The following TOP1 variants were observed in gnomAD, a reference collection of about 807,000 sequenced individuals.
The protein encoded by TOP1 is DNA topoisomerase I, also known as DNA topoisomerase 1.
Under a neutral mutation model 111.1 loss-of-function variants are expected in TOP1, and 10 were observed. The ratio of observed to expected loss-of-function variants is 0.09; its 90% CI spans 0.06 to 0.15. The LOEUF (loss-of-function observed/expected upper bound fraction) is 0.15. TOP1 is among the 10% of genes least tolerant of loss of function. The probability of loss-of-function intolerance (pLI) is 1.00; values close to 1 mark genes in which losing one functional copy is unlikely to be tolerated. For missense variants in TOP1, 474 were observed against 926.7 expected, an observed-to-expected ratio of 0.51 and a Z score of 6.34; for synonymous variants, 271 against 302.9, an observed-to-expected ratio of 0.89 and a Z score of 1.10.
rs2033647507 is a variant in TOP1 at position 41,069,679 on chromosome 20, A to T, written c.156-6492A>T. Reference sequence around the variant, plus strand: ...TTACCGCAAAGCCTAGTATAATATCATGCAGATAAATTGGAGCTCTTGAGT... The same window carrying T: ...TTACCGCAAAGCCTAGTATAATATCTTGCAGATAAATTGGAGCTCTTGAGT... On this transcript the variant is annotated intron_variant, in intron 3 of 20. Transcript: ENST00000361337. The surrounding 1 kb of genome is among the most constrained non-coding windows in gnomAD (Gnocchi z 4.1). Among the ~76,000 whole-genome samples the T allele has an allele frequency of 6.6e-6, 1 of 152,258 alleles. No homozygotes were observed. Among genetic ancestry groups the T allele is most frequent in the South Asian group, 2.1e-4 (1 of 4,834 alleles).
rs1006912061 is a variant in TOP1 at position 41,034,532 on chromosome 20, G to A, written c.58+5077G>A. On this transcript the variant is annotated intron_variant, in intron 2 of 20. Coordinates refer to ENST00000361337, the MANE Select transcript of TOP1 (RefSeq NM_003286.4). The surrounding 1 kb of genome is among the most constrained non-coding windows in gnomAD (Gnocchi z 4.0). ...GCAGGGTGGACAAAGTTTGATTGGG[G>A]GTTGCGGGGAAGCTTGTAGAGGAAT... 1.3e-5 allele frequency among the ~76,000 whole-genome samples: 2 copies of A among 152,198 alleles called. No homozygotes were observed. Among genetic ancestry groups the A allele is most frequent in the East Asian group, 1.9e-4 (1 of 5,200 alleles).
At chr20:41,105,903 T>C (rs1442954502) in intron 13 of TOP1, among the ~76,000 whole-genome samples, 2 of 152,248 alleles carry the variant, frequency 1.3e-5, no homozygotes, top group East Asian at 3.8e-4. Context: ...AAATTTGTTT[T>C]ATACATTAGA....
rs746787499 is a variant in TOP1 at position 41,029,042 on chromosome 20, C to T, written c.-26C>T. 34 of 1,545,248 alleles carry T rather than the reference C, an allele frequency of 2.2e-5. No individual in the cohort carries two copies. Among genetic ancestry groups the T allele is most frequent in the African/African-American group, 4.2e-5 (3 of 71,070 alleles). ...GTCTCCCCCACGCCGCCTCGCCTGC[C>T]GCCGCGCTCGTCCCTCCGGGCCGAC... On this transcript the variant is annotated 5_prime_UTR_variant, in exon 1 of 21. Coordinates refer to ENST00000361337, the MANE Select transcript of TOP1 (RefSeq NM_003286.4). The surrounding 1 kb of genome is among the most constrained non-coding windows in gnomAD (Gnocchi z 6.1).
At chr20:41,052,638 G>A (rs999246013) in intron 2 of TOP1, among the ~76,000 whole-genome samples, 2 of 152,032 alleles carry the variant, frequency 1.3e-5, no homozygotes, top group Non-Finnish European at 2.9e-5. Flanking sequence ...TTCTATCTAA[G>A]CAGAGAACTA....
In TOP1 at chr20:41,109,199, A is replaced by G. The variant is rs1276712144; in HGVS notation, c.1309-3583A>G. ...ATGTGAAGGAAAGTATCTTTACAAT[A>G]TTCATCTTGGGAAGCTCTCATTTTG... On this transcript the variant is annotated intron_variant, in intron 13 of 20. Coordinates refer to ENST00000361337, the MANE Select transcript of TOP1 (RefSeq NM_003286.4). This position sits in a 1 kb window ranked among gnomAD's most constrained non-coding sequence, Gnocchi z 4.1. Among the ~76,000 whole-genome samples the G allele has an allele frequency of 6.6e-6, 1 of 152,354 alleles. No individual in the cohort carries two copies. Among genetic ancestry groups the G allele is most frequent in the Non-Finnish European group, 1.5e-5 (1 of 68,024 alleles).
At position 41,116,295 on chromosome 20, in the gene TOP1, G is replaced by A. The variant is rs1208195608; in HGVS notation, c.1725G>A (p.Lys575=). 4 of 1,612,328 alleles carry A rather than the reference G, an allele frequency of 2.5e-6. No homozygotes were observed. The South Asian group carries it at 4.4e-5, about 18-fold the overall frequency. ...TCCTCCAGACTGGTATTCTGAATAA[G>A]CATCTTCAGGATCTCATGGAGGGCT... ...FDRLNTGILN[K]HLQDLMEGLT... Residue 575 remains lysine, a synonymous_variant, in exon 17 of 21, where the codon AAG becomes AAA. Transcript: ENST00000361337. This position sits in a 1 kb window ranked among gnomAD's most constrained non-coding sequence, Gnocchi z 5.6.
At position 41,080,420 on chromosome 20, in the gene TOP1, T is replaced by C. The variant is rs1440539932; in HGVS notation, c.431+240T>C. Reference sequence around the variant, plus strand: ...TTTTTATTACTGAAAAGGCAATAGATATTTATTGTAGAAATTTCAAATAAT... The same window carrying C: ...TTTTTATTACTGAAAAGGCAATAGACATTTATTGTAGAAATTTCAAATAAT... On this transcript the variant is annotated intron_variant, in intron 6 of 20. Coordinates refer to ENST00000361337, the MANE Select transcript of TOP1 (RefSeq NM_003286.4). The surrounding 1 kb of genome is among the most constrained non-coding windows in gnomAD (Gnocchi z 5.0). Among the ~76,000 whole-genome samples the C allele has an allele frequency of 2.0e-5, 3 of 152,150 alleles. No homozygotes were observed. Among genetic ancestry groups the C allele is most frequent in the African/African-American group, 7.2e-5 (3 of 41,454 alleles).
chr20:41,121,870 T>G lies in TOP1; in HGVS notation c.2045+80T>G. 1 of 1,553,016 alleles carries G rather than the reference T, an allele frequency of 6.4e-7. No homozygotes were observed. ...TGTCAGGGCCCCTGGGGCCCTGGCT[T>G]TTCGATGGTTTCTGAGAAATGTCTT... On this transcript the variant is annotated intron_variant, in intron 19 of 20. Transcript: ENST00000361337. This position sits in a 1 kb window ranked among gnomAD's most constrained non-coding sequence, Gnocchi z 4.2.
At chr20:41,077,309 T>TG (rs1385735039) in intron 4 of TOP1, among the ~76,000 whole-genome samples, 1 of 152,212 alleles carries the variant, frequency 6.6e-6, no homozygotes, top group Non-Finnish European at 1.5e-5. Context: ...ATGTATTTAT[T>TG]GGGGAAAAGA....
chr20:41,123,166 TC>T lies in TOP1; in HGVS notation c.2196-22del, dbSNP rs562150409. ...ATGGGCCATTGCTGAGTCACCCTAA[TC>T]CCCCCCTTATTTCTCCTTTGTTTGC... is the stretch of plus-strand genomic sequence containing the variant. On this transcript the variant is annotated intron_variant, in intron 20 of 20. Coordinates refer to ENST00000361337, the MANE Select transcript of TOP1 (RefSeq NM_003286.4). The surrounding 1 kb of genome is among the most constrained non-coding windows in gnomAD (Gnocchi z 5.8). The T allele has an allele frequency of 1.5e-3, 2,308 of 1,533,814 alleles. 31 individuals are homozygous for T. The African/African-American group carries it at 0.028, about 19-fold the overall frequency.
At chr20:41,049,591 C>T (rs895975388) in intron 2 of TOP1, among the ~76,000 whole-genome samples, 1 of 152,086 alleles carries the variant, frequency 6.6e-6, no homozygotes, top group Non-Finnish European at 1.5e-5. Flanking sequence ...TTAGGGGGAC[C>T]CTTTCCCTCT....
At chr20:41,044,033 T>G (rs1600555967) in intron 2 of TOP1, among the ~76,000 whole-genome samples, 2 of 152,270 alleles carry the variant, frequency 1.3e-5, no homozygotes, top group East Asian at 3.9e-4. Context: ...TCCCAGCACT[T>G]TGGGAGGCCG....
At chr20:41,096,818 T>A (rs2145948818) in intron 9 of TOP1, among the ~76,000 whole-genome samples, 1 of 152,290 alleles carries the variant, frequency 6.6e-6, no homozygotes, top group South Asian at 2.1e-4. Context: ...CCTCCCCTTC[T>A]TGAACAGAGG....
At chr20:41,060,523 G>GA (rs1456046006) in intron 2 of TOP1, among the ~76,000 whole-genome samples, 1 of 152,210 alleles carries the variant, frequency 6.6e-6, no homozygotes, top group East Asian at 1.9e-4. Flanking sequence ...GAATGACTGG[G>GA]AAGGAGCACG....
chr20:41,051,004 G>A (rs1252431751), intron 2 of TOP1, among the ~76,000 whole-genome samples: 1 of 152,106 alleles, frequency 6.6e-6, no homozygotes, highest in African/African-American at 2.4e-5. Context: ...TAATAATGAG[G>A]TGATAAATAT....
At position 41,029,506 on chromosome 20, in the gene TOP1, T is replaced by TC; in HGVS notation, c.58+56dup. On this transcript the variant is annotated intron_variant, in intron 2 of 20. Coordinates refer to ENST00000361337, the MANE Select transcript of TOP1 (RefSeq NM_003286.4). The surrounding 1 kb of genome is among the most constrained non-coding windows in gnomAD (Gnocchi z 6.1). ...CGGGGCCCCCCAGCCGCCGGCCGCC[T>TC]CCCCCGCGCCCTGCCGGTGCCGGGC... is the stretch of plus-strand genomic sequence containing the variant. 1.4e-6 allele frequency: 2 copies of TC among 1,472,184 alleles called. No individual in the cohort carries two copies. Among genetic ancestry groups the TC allele is most frequent in the Non-Finnish European group, 1.8e-6 (2 of 1,081,442 alleles). 91.2% of individuals were successfully genotyped at this position (1,472,184 alleles called of 1,614,324 possible). A position where few individuals can be genotyped will look rare whatever the true frequency, so the allele number is the denominator to read the frequency against.
Position 41,061,384 on chromosome 20 carries a change from A to G in TOP1, c.59-10A>G, listed in dbSNP as rs765154020. ...ACTCCTGTTAACTGACTCATCTCTT[A>G]TGGTTGCAGATTCTCATAAACACAA... is the stretch of plus-strand genomic sequence containing the variant. On this transcript the variant is annotated splice_polypyrimidine_tract_variant and intron_variant, in intron 2 of 20. Transcript: ENST00000361337. The surrounding 1 kb of genome is among the most constrained non-coding windows in gnomAD (Gnocchi z 4.6). 6 of 1,613,226 alleles carry G rather than the reference A, an allele frequency of 3.7e-6. No homozygotes were observed. Among genetic ancestry groups the G allele is most frequent in the Admixed American group, 1.7e-5 (1 of 59,978 alleles).
Position 41,114,305 on chromosome 20 carries a change from T to G in TOP1, c.1638+150T>G, listed in dbSNP as rs1201689465. On this transcript the variant is annotated intron_variant, in intron 15 of 20. Transcript: ENST00000361337. The surrounding 1 kb of genome is among the most constrained non-coding windows in gnomAD (Gnocchi z 4.5). Reference sequence around the variant, plus strand: ...GGCACATGCCTGTAGACCCAGCTATTCAGAAGGCTGAGACAGGAGGATCAC... The same window carrying G: ...GGCACATGCCTGTAGACCCAGCTATGCAGAAGGCTGAGACAGGAGGATCAC... 7.7e-6 allele frequency: 5 copies of G among 649,740 alleles called. No individual in the cohort carries two copies. Among genetic ancestry groups the G allele is most frequent in the Non-Finnish European group, 1.3e-5 (5 of 377,604 alleles). 40.2% of individuals were successfully genotyped at this position (649,740 alleles called of 1,614,324 possible).
intron 13 of TOP1, among the ~76,000 whole-genome samples, chr20:41,105,285 G>T (rs2034128157): frequency 6.6e-6 from 1 of 151,988 alleles, no homozygotes; most frequent in African/African-American, 2.4e-5. Flanking sequence ...GTAAACTATT[G>T]TAAGCTAAAG....
Sources: gnomAD v4.1 joint callset for allele counts (sites outside exome capture counted in the v4.1 genomes callset) on GRCh38, gnomAD v4.1.1 for gene constraint, Gnocchi (gnomAD v3.1) non-coding constraint, MANE v1.5 for transcripts, NCBI Gene and HGNC (gene_info 2026-07-23, HGNC 2026-07-21) for gene names.